MET: variants seen among roughly 807,000 people sequenced by gnomAD.
MET encodes the protein hepatocyte growth factor receptor.
MET carries 48 observed loss-of-function variants against 133.1 expected under a neutral mutation model. That is an observed-to-expected ratio of 0.36 (90% CI 0.29 to 0.46). The LOEUF (loss-of-function observed/expected upper bound fraction) is 0.46. MET is among the 20% of genes least tolerant of loss of function. The probability of loss-of-function intolerance (pLI) is 1.00; values close to 1 mark genes in which losing one functional copy is unlikely to be tolerated. For missense variants in MET, 1,442 were observed against 1,695.9 expected (o/e 0.85, Z 2.63); for synonymous variants, 628 against 616.5 (o/e 1.02, Z -0.28).
In MET at chr7:116,704,709, G is replaced by T. The variant is rs531794586; in HGVS notation, c.1200+4425G>T. Among the ~76,000 whole-genome samples, 8 of 152,162 alleles carry T rather than the reference G, an allele frequency of 5.3e-5. No individual in the cohort carries two copies. The South Asian group carries it at 1.7e-3, about 32-fold the overall frequency. On this transcript the variant is annotated intron_variant, in intron 2 of 20. Coordinates refer to ENST00000397752, the MANE Select transcript of MET (RefSeq NM_000245.4). The stretch of plus-strand genomic sequence containing the variant: ...TGAGGGGGCAGAGGATGGGGAGAAA[G>T]ACAATTGAATCAAAACTGTACTATA...
intron 1 of MET, among the ~76,000 whole-genome samples, chr7:116,693,961 G>T (rs1287449571): frequency 4.6e-5 from 7 of 152,166 alleles, no homozygotes; most frequent in Admixed American, 4.6e-4. Context: ...CCATATTTTA[G>T]ATGAGAAAAT....
chr7:116,693,532 A>G (rs1796849692), intron 1 of MET, among the ~76,000 whole-genome samples: 1 of 152,214 alleles, frequency 6.6e-6, no homozygotes, highest in Non-Finnish European at 1.5e-5. Context: ...CTGCACTGCC[A>G]CAACTAAACC....
intron 1 of MET, among the ~76,000 whole-genome samples, chr7:116,698,323 C>A (rs1302427603): frequency 1.3e-5 from 2 of 152,048 alleles, no homozygotes; most frequent in Admixed American, 6.6e-5. Flanking sequence ...TGGTAATGAA[C>A]AATATGTTGT....
intron 5 of MET, among the ~76,000 whole-genome samples, chr7:116,744,687 G>A (rs1045954622): frequency 1.8e-4 from 28 of 152,030 alleles, no homozygotes; most frequent in African/African-American, 6.8e-4. Context: ...GAAATACAGA[G>A]AACACCACAA....
At chr7:116,792,246 C>T (rs1363480238) in intron 19 of MET, among the ~76,000 whole-genome samples, 1 of 152,150 alleles carries the variant, frequency 6.6e-6, no homozygotes, top group African/African-American at 2.4e-5. Flanking sequence ...TTAATCATTT[C>T]TTTGATCATC....
Position 116,771,844 on chromosome 7 carries a change from T to C in MET, c.2888-5T>C. 6.2e-7 allele frequency: 1 copy of C among 1,613,756 alleles called. No homozygotes were observed. Among genetic ancestry groups the C allele is most frequent in the South Asian group, 1.1e-5 (1 of 91,072 alleles). On this transcript the variant is annotated splice_polypyrimidine_tract_variant and splice_region_variant and intron_variant, in intron 13 of 20. Transcript: ENST00000397752. Reference sequence around the variant, plus strand: ...AACAAGCTCTTTCTTTCTCTCTGTTTTAAGATCTGGGCAGTGAATTAGTTC... The same window carrying C: ...AACAAGCTCTTTCTTTCTCTCTGTTCTAAGATCTGGGCAGTGAATTAGTTC...
chr7:116,684,763 G>A (rs77782453), intron 1 of MET, among the ~76,000 whole-genome samples: 4,409 of 152,214 alleles, frequency 0.029, 89 homozygotes, highest in Non-Finnish European at 0.045. Flanking sequence ...GGAGAGTGGG[G>A]CAGAAAAAAA....
At chr7:116,678,128 A>G (rs1036406092) in intron 1 of MET, among the ~76,000 whole-genome samples, 32 of 152,024 alleles carry the variant, frequency 2.1e-4, no homozygotes, top group Admixed American at 4.6e-4. Flanking sequence ...GTTAAAATCT[A>G]TTTTTCCAAA....
At chr7:116,677,245 C>G (rs528029309) in intron 1 of MET, among the ~76,000 whole-genome samples, 1 of 152,144 alleles carries the variant, frequency 6.6e-6, no homozygotes, top group Admixed American at 6.5e-5. Context: ...GTCTGCTATG[C>G]ACTTCTTTCT....
intron 11 of MET, among the ~76,000 whole-genome samples, chr7:116,763,536 C>T (rs534381931): frequency 1.3e-5 from 2 of 152,218 alleles, no homozygotes; most frequent in African/African-American, 2.4e-5. Flanking sequence ...AAAGAGGATC[C>T]GCGTCATGCA....
At position 116,796,296 on chromosome 7, in the gene MET, C is replaced by A; in HGVS notation, c.*172C>A. On this transcript the variant is annotated 3_prime_UTR_variant, in exon 21 of 21. Transcript: ENST00000397752. Reference sequence around the variant, plus strand: ...AGGAATTTCTTATCTGACAGAGCATCAGAACCAGAGGCTTGGTCCCACAGG... The same window carrying A: ...AGGAATTTCTTATCTGACAGAGCATAAGAACCAGAGGCTTGGTCCCACAGG... 4.4e-6 allele frequency: 3 copies of A among 689,402 alleles called. No individual in the cohort carries two copies. Among genetic ancestry groups the A allele is most frequent in the South Asian group, 1.7e-5 (1 of 57,808 alleles). 42.7% of individuals were successfully genotyped at this position (689,402 alleles called of 1,614,324 possible). A position where few individuals can be genotyped will look rare whatever the true frequency, so the allele number is the denominator to read the frequency against.
At chr7:116,784,947 T>C (rs747572262) in intron 19 of MET, among the ~76,000 whole-genome samples, 1 of 152,192 alleles carries the variant, frequency 6.6e-6, no homozygotes, top group Non-Finnish European at 1.5e-5. Context: ...GGTACAGGCA[T>C]TGGGTGAATG....
chr7:116,689,780 A>T (rs1428791579), intron 1 of MET, among the ~76,000 whole-genome samples: 1 of 151,912 alleles, frequency 6.6e-6, no homozygotes. Flanking sequence ...GGCTGGTCTC[A>T]AACTCCTGAA....
chr7:116,678,386 AT>A (rs1796233730), intron 1 of MET, among the ~76,000 whole-genome samples: 1 of 152,294 alleles, frequency 6.6e-6, no homozygotes, highest in East Asian at 1.9e-4. Flanking sequence ...AATAGTTGGA[AT>A]TCTGAGGCAG....
chr7:116,758,442 T>C lies in MET; in HGVS notation c.2103-17T>C. ...CTCTAATAGCTAAAATTCACTTCCT[T>C]AATTTTTTTTGTTCAGTGTGTCAAA... is the stretch of plus-strand genomic sequence containing the variant. On this transcript the variant is annotated splice_polypyrimidine_tract_variant and intron_variant, in intron 8 of 20. Coordinates refer to ENST00000397752, the MANE Select transcript of MET (RefSeq NM_000245.4). The C allele has an allele frequency of 6.2e-7, 1 of 1,611,024 alleles. No individual in the cohort carries two copies. Among genetic ancestry groups the C allele is most frequent in the Non-Finnish European group, 8.5e-7 (1 of 1,177,398 alleles).
intron 1 of MET, among the ~76,000 whole-genome samples, chr7:116,680,817 T>C (rs1209948347): frequency 6.6e-6 from 1 of 151,866 alleles, no homozygotes; most frequent in Non-Finnish European, 1.5e-5. Context: ...TGGCGCACAC[T>C]TGCAGTCCCA....
intron 12 of MET, among the ~76,000 whole-genome samples, chr7:116,770,308 C>A (rs1794791443): frequency 6.6e-6 from 1 of 152,086 alleles, no homozygotes; most frequent in Non-Finnish European, 1.5e-5. Context: ...CTTTTTTTAG[C>A]AGCTTTATTG....
rs181970953 is a variant in MET at position 116,744,944 on chromosome 7, G to A, written c.1701+3919G>A. The stretch of plus-strand genomic sequence containing the variant: ...TTCTGGCCAGGACAAACAGGCAGGA[G>A]AAAGAAATAAAGGGTATTCAATTAG... On this transcript the variant is annotated intron_variant, in intron 5 of 20. Coordinates refer to ENST00000397752, the MANE Select transcript of MET (RefSeq NM_000245.4). 1.4e-3 allele frequency among the ~76,000 whole-genome samples: 206 copies of A among 152,264 alleles called. 2 individuals carry two copies. The East Asian group carries it at 0.034, about 25-fold the overall frequency.
Position 116,775,070 on chromosome 7 carries a change from C to T in MET, c.3218C>T (p.Pro1073Leu), listed in dbSNP as rs370529693. Residue 1073 changes from proline to leucine, a missense_variant, in exon 15 of 21, where the codon CCC becomes CTC. Around this residue, in one of 6 missense-constraint regions of MET, gnomAD observed 514 missense variants for 659.6 expected, o/e 0.78. Transcript: ENST00000397752. ...VQAVQHVVIG[P>L]SSLIVHFNEV... ...GCAGTGCAGCATGTAGTGATTGGGC[C>T]CAGTAGCCTGATTGTGCATTTCAAT... is the stretch of plus-strand genomic sequence containing the variant. 173 of 1,614,124 alleles carry T rather than the reference C, an allele frequency of 1.1e-4. No individual in the cohort carries two copies. Among genetic ancestry groups the T allele is most frequent in the Admixed American group, 2.5e-4 (15 of 60,018 alleles).
Sources: allele counts gnomAD v4.1 joint callset (sites outside exome capture counted in the v4.1 genomes callset), GRCh38; gene constraint gnomAD v4.1.1; regional missense constraint gnomAD v4.1.1; transcripts MANE v1.5; gene names NCBI Gene and HGNC (gene_info 2026-07-23, HGNC 2026-07-21).